The following CSMD1 variants were observed in gnomAD, a reference collection of about 807,000 sequenced individuals.
The protein encoded by CSMD1 is CUB and sushi domain-containing protein 1.
In CSMD1, 213 loss-of-function variants were observed where a neutral mutation model predicts 417.5. The ratio of observed to expected loss-of-function variants is 0.51; its 90% CI spans 0.46 to 0.57. The LOEUF is 0.57. Among genes scored for constraint, CSMD1 ranks in the 20% least tolerant of loss-of-function variants. CSMD1 has a pLI of 0.00. For synonymous variants in CSMD1, 2,862 were observed against 1,736.8 expected, an observed-to-expected ratio of 1.65 and a Z score of -16.11; for missense variants, 6,923 against 4,529.7, an observed-to-expected ratio of 1.53 and a Z score of -15.17.
rs895014495 is a variant in CSMD1 at position 4,226,621 on chromosome 8, T to A, written c.415+193332A>T. On this transcript the variant is annotated intron_variant, in intron 3 of 69. Transcript: ENST00000635120. ...TTTTCTGCATTGATATTCTATAACA[T>A]CAATTACTTCATTAAACAAAATAAT... is the stretch of plus-strand genomic sequence containing the variant. Among the ~76,000 whole-genome samples, 4 of 152,150 alleles carry A rather than the reference T, an allele frequency of 2.6e-5. No homozygotes were observed. The East Asian group carries it at 5.8e-4, about 22-fold the overall frequency.
chr8:4,019,915 A>T (rs1213784612), intron 4 of CSMD1, among the ~76,000 whole-genome samples: 4 of 3,142 alleles, frequency 1.3e-3, no homozygotes, highest in Non-Finnish European at 2.2e-3. Flanking sequence ...GTAATTCATT[A>T]AAAAAAAAAA....
At chr8:4,154,491 T>G (rs1796727341) in intron 3 of CSMD1, among the ~76,000 whole-genome samples, 1 of 152,112 alleles carries the variant, frequency 6.6e-6, no homozygotes, top group South Asian at 2.1e-4. Context: ...TTACCCCAAG[T>G]TCAAAACTGT....
chr8:3,590,751 G>A (rs541981139), intron 8 of CSMD1, among the ~76,000 whole-genome samples: 1 of 152,264 alleles, frequency 6.6e-6, no homozygotes, highest in African/African-American at 2.4e-5. Flanking sequence ...CATTCCAGCA[G>A]CACAGCCGAG....
chr8:3,031,749 T>C lies in CSMD1; in HGVS notation c.7661-2236A>G, dbSNP rs1810354115. Among the ~76,000 whole-genome samples, 4 of 152,020 alleles carry C rather than the reference T, an allele frequency of 2.6e-5. 1 individual carries two copies. The highest frequency in any genetic ancestry group is 2.6e-4 in the Admixed American group (4 of 15,246). On this transcript the variant is annotated intron_variant, in intron 50 of 69. Transcript: ENST00000635120. The stretch of plus-strand genomic sequence containing the variant: ...GGAATCAGACAATTTTTTGAGCTGA[T>C]ACCATCTACAGTATCAATTTCCAAG...
At chr8:3,975,302 C>A (rs1171301521) in intron 5 of CSMD1, among the ~76,000 whole-genome samples, 1 of 152,096 alleles carries the variant, frequency 6.6e-6, no homozygotes, top group Non-Finnish European at 1.5e-5. Context: ...ACCTTTTTTA[C>A]ACAAAATGCC....
At chr8:4,493,140 T>C (rs1801793871) in intron 2 of CSMD1, among the ~76,000 whole-genome samples, 1 of 152,196 alleles carries the variant, frequency 6.6e-6, no homozygotes, top group Admixed American at 6.5e-5. Flanking sequence ...GTAAGAAGAC[T>C]AGATTTTTTT....
intron 5 of CSMD1, among the ~76,000 whole-genome samples, chr8:3,867,898 CTG>C (rs1398961922): frequency 3.3e-5 from 5 of 152,016 alleles, no homozygotes; most frequent in African/African-American, 7.2e-5. Flanking sequence ...TCCCAAGACT[CTG>C]TGTCACCTCC....
chr8:4,301,289 C>T (rs149384315), intron 3 of CSMD1, among the ~76,000 whole-genome samples: 51 of 152,280 alleles, frequency 3.3e-4, no homozygotes, highest in African/African-American at 1.1e-3. Flanking sequence ...AAGCAAAATG[C>T]CTTGAGCATC....
At chr8:3,905,005 G>T (rs1291105496) in intron 5 of CSMD1, among the ~76,000 whole-genome samples, 1 of 152,014 alleles carries the variant, frequency 6.6e-6, no homozygotes, top group Non-Finnish European at 1.5e-5. Context: ...TACAAATATA[G>T]AATACTCTTC....
chr8:4,062,480 A>C (rs1266138154), intron 3 of CSMD1, among the ~76,000 whole-genome samples: 1 of 152,172 alleles, frequency 6.6e-6, no homozygotes, highest in Non-Finnish European at 1.5e-5. Flanking sequence ...AATGCACTAC[A>C]AATAAATAAA....
At chr8:3,619,929 C>A (rs1449815498) in intron 7 of CSMD1, among the ~76,000 whole-genome samples, 1 of 152,172 alleles carries the variant, frequency 6.6e-6, no homozygotes, top group South Asian at 2.1e-4. Context: ...TAGTGAAACC[C>A]CATTTCTACT....
At chr8:3,275,361 AT>A (rs1404128265) in intron 26 of CSMD1, among the ~76,000 whole-genome samples, 1 of 151,206 alleles carries the variant, frequency 6.6e-6, no homozygotes, top group African/African-American at 2.4e-5. Flanking sequence ...TGCCCTTAAC[AT>A]TTTTTCCTTC....
At chr8:4,158,809 T>C (rs528468496) in intron 3 of CSMD1, among the ~76,000 whole-genome samples, 4 of 152,332 alleles carry the variant, frequency 2.6e-5, no homozygotes, top group African/African-American at 7.2e-5. Context: ...AAGTTTATCA[T>C]ATGGGATGAT....
chr8:4,336,538 A>T (rs540292340), intron 3 of CSMD1, among the ~76,000 whole-genome samples: 3 of 152,266 alleles, frequency 2.0e-5, no homozygotes, highest in African/African-American at 7.2e-5. Context: ...GATGAATGTC[A>T]TGCTGCTTGT....
chr8:3,027,054 C>A (rs1001803920), intron 51 of CSMD1, among the ~76,000 whole-genome samples: 2 of 151,958 alleles, frequency 1.3e-5, no homozygotes, highest in African/African-American at 4.8e-5. Flanking sequence ...AGACGGCAAA[C>A]CTATGCTCCA....
At chr8:4,707,647 G>T (rs1023100497) in intron 1 of CSMD1, among the ~76,000 whole-genome samples, 3 of 151,996 alleles carry the variant, frequency 2.0e-5, no homozygotes, top group Non-Finnish European at 4.4e-5. Context: ...AGCACTTTGG[G>T]AGGCCGAGGC....
chr8:3,785,753 AG>A (rs1383334786), intron 5 of CSMD1, among the ~76,000 whole-genome samples: 3 of 152,180 alleles, frequency 2.0e-5, no homozygotes, highest in Non-Finnish European at 4.4e-5. Flanking sequence ...GGAGCTAGGA[AG>A]CCTATGGTGC....
At position 4,461,738 on chromosome 8, in the gene CSMD1, C is replaced by CTT. The variant is rs1491126522; in HGVS notation, c.303-41675_303-41674dup. ...GCTCATCTTATTTATTATTTATTTA[C>CTT]TTATTTTTTTTTTTTTTTTGGAGAT... On this transcript the variant is annotated intron_variant, in intron 2 of 69. Coordinates refer to ENST00000635120, the MANE Select transcript of CSMD1 (RefSeq NM_033225.6). Among the ~76,000 whole-genome samples, 433 of 83,882 alleles carry CTT rather than the reference C, an allele frequency of 5.2e-3. 7 individuals carry two copies. Among genetic ancestry groups the CTT allele is most frequent in the African/African-American group, 0.017 (404 of 24,248 alleles). 55.0% of individuals were successfully genotyped at this position (83,882 alleles called of 152,430 possible). A position where few individuals can be genotyped will look rare whatever the true frequency, so the allele number is the denominator to read the frequency against.
chr8:4,399,304 A>G (rs1332507155), intron 3 of CSMD1, among the ~76,000 whole-genome samples: 1 of 152,238 alleles, frequency 6.6e-6, no homozygotes, highest in Admixed American at 6.5e-5. Context: ...GGGAGCTTCA[A>G]TTCTACATGT....
Sources: gnomAD v4.1 joint callset for allele counts (sites outside exome capture counted in the v4.1 genomes callset) on GRCh38, gnomAD v4.1.1 for gene constraint, MANE v1.5 for transcripts, NCBI Gene and HGNC (gene_info 2026-07-23, HGNC 2026-07-21) for gene names.